Variants in FARS2 observed in about 807,000 individuals in gnomAD.
FARS2 encodes the protein phenylalanine--tRNA ligase, mitochondrial.
A neutral mutation model predicts 46.4 loss-of-function variants in FARS2; 40 were observed. The observed-to-expected ratio is 0.86, with a 90% CI of 0.67 to 1.12. The LOEUF is 1.12. Among genes scored for constraint, FARS2 ranks in the 50% most tolerant of loss-of-function variants. The pLI, the probability that FARS2 is intolerant of heterozygous loss-of-function variation, is 0.00. For missense variants in FARS2, 513 were observed against 567.9 expected (o/e 0.90, Z 0.98); for synonymous variants, 234 against 214.9 (o/e 1.09, Z -0.78).
chr6:5,546,553 A>G (rs903690774), intron 5 of FARS2, among the ~76,000 whole-genome samples: 1 of 151,208 alleles, frequency 6.6e-6, no homozygotes, highest in African/African-American at 2.4e-5. Context: ...CCCAGCCCTC[A>G]TCTAGTATCT....
chr6:5,679,959 T>C (rs1460390535), intron 6 of FARS2, among the ~76,000 whole-genome samples: 1 of 147,580 alleles, frequency 6.8e-6, no homozygotes, highest in Non-Finnish European at 1.5e-5. Flanking sequence ...CATAAGAAAA[T>C]TCATCAAAGT....
At chr6:5,740,583 G>A (rs946347535) in intron 6 of FARS2, among the ~76,000 whole-genome samples, 16 of 151,566 alleles carry the variant, frequency 1.1e-4, no homozygotes, top group African/African-American at 3.4e-4. Flanking sequence ...CAGGCTTGTC[G>A]TGGAGCCACA....
At chr6:5,609,918 A>G in intron 5 of FARS2, 1 of 1,190,770 alleles carries the variant, frequency 8.4e-7, no homozygotes, top group South Asian at 1.2e-5. Context: ...GTGTTTGAGA[A>G]TCTTCTCTTG....
At chr6:5,260,599 C>A, upstream of FARS2, 2 of 1,134,694 alleles carry the variant, frequency 1.8e-6, no homozygotes, top group South Asian at 1.3e-5. Context: ...CACCCCCGGT[C>A]CCCGGCCCCT....
chr6:5,701,557 G>A (rs555817481), intron 6 of FARS2, among the ~76,000 whole-genome samples: 121 of 152,348 alleles, frequency 7.9e-4, no homozygotes, highest in Non-Finnish European at 1.4e-3. Context: ...AACGTCAGAA[G>A]CCAGATACCA....
chr6:5,260,692 C>T (rs1210002520), upstream of FARS2: 1 of 1,555,156 alleles, frequency 6.4e-7, no homozygotes, highest in Admixed American at 1.9e-5. Context: ...TCAGCATCGC[C>T]CGGTACAGAG....
At chr6:5,589,114 A>G (rs1208263694) in intron 5 of FARS2, among the ~76,000 whole-genome samples, 1 of 152,142 alleles carries the variant, frequency 6.6e-6, no homozygotes, top group Non-Finnish European at 1.5e-5. Flanking sequence ...TGATACCTTT[A>G]TAATCCCAAG....
At chr6:5,640,396 G>A (rs954406088) in intron 6 of FARS2, among the ~76,000 whole-genome samples, 3 of 152,118 alleles carry the variant, frequency 2.0e-5, no homozygotes, top group Admixed American at 6.5e-5. Flanking sequence ...CGGCAAACAC[G>A]GAAGCTAAAT....
At chr6:5,740,636 G>A (rs1486574310) in intron 6 of FARS2, among the ~76,000 whole-genome samples, 3 of 152,034 alleles carry the variant, frequency 2.0e-5, no homozygotes, top group Non-Finnish European at 4.4e-5. Flanking sequence ...ATTGCTCACC[G>A]CTTACCTGCA....
chr6:5,324,383 A>G (rs1194661554), intron 1 of FARS2, among the ~76,000 whole-genome samples: 1 of 140,142 alleles, frequency 7.1e-6, no homozygotes, highest in African/African-American at 2.7e-5. Context: ...CTCTTTCCTT[A>G]CTTGCCAATT....
At chr6:5,623,858 C>T (rs1217492857) in intron 6 of FARS2, among the ~76,000 whole-genome samples, 1 of 152,174 alleles carries the variant, frequency 6.6e-6, no homozygotes, top group Non-Finnish European at 1.5e-5. Context: ...TTCTGGTTTG[C>T]AAATCACATC....
chr6:5,696,749 A>T (rs1667826998), intron 6 of FARS2, among the ~76,000 whole-genome samples: 1 of 152,216 alleles, frequency 6.6e-6, no homozygotes. Flanking sequence ...CATACAATTT[A>T]AATTTTTTAC....
chr6:5,658,539 ACTACATTACATGT>A (rs1268108658), intron 6 of FARS2, among the ~76,000 whole-genome samples: 1 of 152,168 alleles, frequency 6.6e-6, no homozygotes, highest in Non-Finnish European at 1.5e-5. Context: ...AACTACATAA[ACTACATTACATGT>A]CTACTCATAC....
chr6:5,487,267 C>T (rs574208395), intron 4 of FARS2, among the ~76,000 whole-genome samples: 2 of 152,328 alleles, frequency 1.3e-5, no homozygotes, highest in Admixed American at 1.3e-4. Context: ...AAGCTGTCTG[C>T]ACTGACAGGC....
At chr6:5,717,931 T>TAGAGAG (rs1175182131) in intron 6 of FARS2, among the ~76,000 whole-genome samples, 1 of 118,516 alleles carries the variant, frequency 8.4e-6, no homozygotes, top group African/African-American at 4.5e-5. Flanking sequence ...TATATATATA[T>TAGAGAG]ATATACAGAG....
chr6:5,645,248 G>A (rs1777020361), intron 6 of FARS2, among the ~76,000 whole-genome samples: 1 of 152,184 alleles, frequency 6.6e-6, no homozygotes, highest in East Asian at 1.9e-4. Context: ...CTGCTTGCAG[G>A]CAGAATTAAA....
At position 5,621,199 on chromosome 6, in the gene FARS2, A is replaced by G. The variant is rs538469133; in HGVS notation, c.1217+7879A>G. Among the ~76,000 whole-genome samples the G allele has an allele frequency of 3.9e-4, 58 of 149,884 alleles. No individual in the cohort carries two copies. The South Asian group carries it at 8.5e-3, about 22-fold the overall frequency. On this transcript the variant is annotated intron_variant, in intron 6 of 6. Transcript: ENST00000274680. ...ACTCCTAGGCTCAAGTGGTCTTCCT[A>G]CCTTAGTCTCCCAAGTAGCTAGGAC...
chr6:5,753,378 G>A (rs993881323), intron 6 of FARS2, among the ~76,000 whole-genome samples: 21 of 152,242 alleles, frequency 1.4e-4, no homozygotes, highest in African/African-American at 3.1e-4. Context: ...GCTCTGCTCC[G>A]TGCCTGCCAA....
chr6:5,660,810 T>TGGCTGGA (rs1777818573), intron 6 of FARS2, among the ~76,000 whole-genome samples: 1 of 152,144 alleles, frequency 6.6e-6, no homozygotes, highest in South Asian at 2.1e-4. Context: ...AAGGCCAGTG[T>TGGCTGGA]GGCTGGAAAA....
Sources: gnomAD v4.1 joint callset for allele counts (sites outside exome capture counted in the v4.1 genomes callset) on GRCh38, gnomAD v4.1.1 for gene constraint, MANE v1.5 for transcripts, NCBI Gene and HGNC (gene_info 2026-07-23, HGNC 2026-07-21) for gene names.